The following TFDP2 variants were observed in gnomAD, a reference collection of about 807,000 sequenced individuals.
The protein encoded by TFDP2 is transcription factor Dp-2.
In TFDP2, 17 loss-of-function variants were observed where a neutral mutation model predicts 59.3. The ratio of observed to expected loss-of-function variants is 0.29; its 90% confidence interval spans 0.20 to 0.43. TFDP2 has a LOEUF of 0.43. Among genes scored for constraint, TFDP2 ranks in the 20% least tolerant of loss-of-function variants. The pLI, the probability that TFDP2 is intolerant of heterozygous loss-of-function variation, is 1.00. For missense variants in TFDP2, 391 were observed against 528.8 expected (o/e 0.74, Z 2.56); for synonymous variants, 180 against 194.7 (o/e 0.92, Z 0.63).
chr3:142,032,990 G>A (rs1449510555), intron 3 of TFDP2, among the ~76,000 whole-genome samples: 1 of 152,088 alleles, frequency 6.6e-6, no homozygotes, highest in East Asian at 1.9e-4. Context: ...GAGGTCAGGA[G>A]TTCAAGACTG....
intron 4 of TFDP2, 66 bp downstream of exon 4, chr3:142,005,375 C>T: frequency 7.8e-7 from 1 of 1,275,458 alleles, no homozygotes; most frequent in Non-Finnish European, 1.1e-6. Flanking sequence ...ATATTTAATG[C>T]AATTATTCTT....
chr3:142,011,590 T>TAAAA (rs386398107), intron 3 of TFDP2, among the ~76,000 whole-genome samples: 3 of 63,856 alleles, frequency 4.7e-5, no homozygotes, highest in African/African-American at 9.1e-5. Flanking sequence ...TAAAGTATAA[T>TAAAA]AAAAAAAAAA....
At position 141,952,412 on chromosome 3, in the gene TFDP2, G is replaced by A. The variant is rs1383117877; in HGVS notation, c.*101C>T. 7 of 1,170,846 alleles carry A rather than the reference G, an allele frequency of 6.0e-6. No individual in the cohort carries two copies. Among genetic ancestry groups the A allele is most frequent in the Non-Finnish European group, 8.2e-6 (7 of 855,570 alleles). 72.5% of individuals were successfully genotyped at this position (1,170,846 alleles called of 1,614,324 possible). On this transcript the variant is annotated 3_prime_UTR_variant, in exon 13 of 13. Coordinates refer to ENST00000489671, the MANE Select transcript of TFDP2 (RefSeq NM_001178139.2). Reference sequence around the variant, plus strand: ...CTCTAGTTTTCACTGAACACACAGTGCAAACAAAGGCAAAGACTGAAGCAA... The same window carrying A: ...CTCTAGTTTTCACTGAACACACAGTACAAACAAAGGCAAAGACTGAAGCAA...
intron 1 of TFDP2, among the ~76,000 whole-genome samples, chr3:142,107,177 T>C (rs2061500864): frequency 6.6e-6 from 1 of 152,124 alleles, no homozygotes; most frequent in Non-Finnish European, 1.5e-5. Context: ...ATTCTCTCTG[T>C]GCATTCAAAC....
intron 1 of TFDP2, among the ~76,000 whole-genome samples, chr3:142,104,694 T>TA (rs369119050): frequency 1.3e-5 from 2 of 152,022 alleles, no homozygotes; most frequent in African/African-American, 4.8e-5. Flanking sequence ...AATGAAAATT[T>TA]AAAAAAACTT....
intron 3 of TFDP2, among the ~76,000 whole-genome samples, chr3:142,084,500 A>G (rs944625268): frequency 6.6e-6 from 1 of 152,234 alleles, no homozygotes; most frequent in Non-Finnish European, 1.5e-5. Context: ...GGAAATCAGT[A>G]TATTGAAGAG....
intron 6 of TFDP2, among the ~76,000 whole-genome samples, chr3:141,990,196 TTTAA>T: frequency 6.6e-6 from 1 of 152,126 alleles, no homozygotes; most frequent in African/African-American, 2.4e-5. Flanking sequence ...GCCCAGCCCC[TTTAA>T]TTATTTTTTA....
intron 1 of TFDP2, among the ~76,000 whole-genome samples, chr3:142,148,629 A>G (rs1022578155): frequency 6.6e-6 from 1 of 152,168 alleles, no homozygotes; most frequent in Non-Finnish European, 1.5e-5. Context: ...TCTCAGCGAG[A>G]TCCTAGGAAA....
rs1553763132 is a variant in TFDP2 at position 141,977,093 on chromosome 3, T to TAGATAGATAGATAG, written c.519+1426_519+1427insCTATCTATCTATCT. On this transcript the variant is annotated intron_variant, in intron 7 of 12. Transcript: ENST00000489671. ...CTCTAGAGAAACAGTCATAGCCATA[T>TAGATAGATAGATAG]ATATATATATATATTTTTTTTTTTT... is the stretch of plus-strand genomic sequence containing the variant. 6.0e-5 allele frequency among the ~76,000 whole-genome samples: 6 copies of TAGATAGATAGATAG among 99,766 alleles called. 1 individual carries two copies. Among genetic ancestry groups the TAGATAGATAGATAG allele is most frequent in the Admixed American group, 2.0e-4 (2 of 9,990 alleles). The allele number at this position is 99,766 out of a possible 152,430, so 65.5% of individuals were successfully genotyped here.
intron 10 of TFDP2, among the ~76,000 whole-genome samples, chr3:141,961,925 G>T (rs976672356): frequency 2.0e-5 from 3 of 152,062 alleles, no homozygotes; most frequent in Admixed American, 6.6e-5. Flanking sequence ...CTCCAACCTG[G>T]GCAACAGTGA....
At chr3:142,049,331 T>C (rs1947497790) in intron 3 of TFDP2, among the ~76,000 whole-genome samples, 1 of 152,198 alleles carries the variant, frequency 6.6e-6, no homozygotes, top group South Asian at 2.1e-4. Context: ...TCAATCAATA[T>C]AATTCCCCAT....
intron 1 of TFDP2, among the ~76,000 whole-genome samples, chr3:142,103,964 G>A (rs2061395901): frequency 6.6e-6 from 1 of 151,906 alleles, no homozygotes; most frequent in African/African-American, 2.4e-5. Flanking sequence ...GTGTGCCATG[G>A]TGATTTGCTG....
intron 6 of TFDP2, among the ~76,000 whole-genome samples, chr3:141,985,347 A>G (rs1298410397): frequency 6.6e-6 from 1 of 151,902 alleles, no homozygotes; most frequent in Non-Finnish European, 1.5e-5. Context: ...TGGGCAACAT[A>G]GTGAGACCTC....
intron 3 of TFDP2, among the ~76,000 whole-genome samples, chr3:142,076,198 G>A (rs199751385): frequency 5.1e-5 from 7 of 136,780 alleles, no homozygotes; most frequent in East Asian, 4.1e-4. Context: ...GCAACAGAGT[G>A]AGACTCCGTC....
intron 1 of TFDP2, among the ~76,000 whole-genome samples, chr3:142,122,564 T>C (rs1206007323): frequency 6.6e-6 from 1 of 152,100 alleles, no homozygotes; most frequent in African/African-American, 2.4e-5. Flanking sequence ...AGGGAAGAAA[T>C]TGAACCAATG....
intron 3 of TFDP2, among the ~76,000 whole-genome samples, chr3:142,065,955 T>C (rs889026893): frequency 1.3e-5 from 2 of 152,100 alleles, no homozygotes; most frequent in African/African-American, 4.8e-5. Flanking sequence ...TAAGTAAACA[T>C]GAAACTCTAA....
At chr3:141,960,207 G>A (rs1313032520) in intron 10 of TFDP2, among the ~76,000 whole-genome samples, 1 of 152,046 alleles carries the variant, frequency 6.6e-6, no homozygotes, top group Non-Finnish European at 1.5e-5. Context: ...ATTCCGAGTT[G>A]GCCTGTTAGC....
rs751719024 is a variant in TFDP2 at position 141,995,050 on chromosome 3, T to G, written c.278A>C (p.His93Pro). 6.2e-7 allele frequency: 1 copy of G among 1,608,702 alleles called. No homozygotes were observed. The highest frequency in any genetic ancestry group is 1.1e-5 in the South Asian group (1 of 89,786). The change falls in exon 5 of 13, where the codon CAC (histidine) becomes CCC (proline). Residue 93 changes from histidine to proline, a missense_variant. Physicochemically the swap from His to Pro is moderately conservative, Grantham distance 77. Around this residue, in one of 3 missense-constraint regions of TFDP2, gnomAD observed 162 missense variants for 206.8 expected, o/e 0.78. Coordinates refer to ENST00000489671, the MANE Select transcript of TFDP2 (RefSeq NM_001178139.2). ...TPAPAMVTQT[H>P]IAEATGWVPG... is the part of the protein sequence containing the mutation. ...GACCCAGCCAGTAGCTTCTGCTATG[T>G]GTGTCTGAGTAACCATTGCTGGTGC...
At position 141,970,100 on chromosome 3, in the gene TFDP2, C is replaced by T. The variant is rs757171504; in HGVS notation, c.705G>A (p.Arg235=). The change falls in exon 9 of 13, where the codon CGG becomes CGA. Residue 235 remains arginine (R), a synonymous_variant. Transcript: ENST00000489671. ...GTAGGAGAAGTTCTTGCAGCTGGGC[C>T]CGCTTCTGCTTTATCCGTTCTATCC... The part of the protein sequence containing the change: ...QRRIERIKQK[R]AQLQELLLQQ... The T allele has an allele frequency of 2.5e-6, 4 of 1,614,062 alleles. No individual in the cohort carries two copies. Among genetic ancestry groups the T allele is most frequent in the Non-Finnish European group, 3.4e-6 (4 of 1,180,034 alleles).
Sources: allele counts gnomAD v4.1 joint callset (sites outside exome capture counted in the v4.1 genomes callset), GRCh38; gene constraint gnomAD v4.1.1; regional missense constraint gnomAD v4.1.1; transcripts MANE v1.5; gene names NCBI Gene and HGNC (gene_info 2026-07-23, HGNC 2026-07-21).